Variants in HDAC9 observed in about 807,000 individuals in gnomAD.
The protein encoded by HDAC9 is MEF-2 interacting transcription repressor (MITR) protein.
In HDAC9, 41 loss-of-function variants were observed where a neutral mutation model predicts 139.4. That is an observed-to-expected ratio of 0.29 (90% CI 0.23 to 0.38). The LOEUF (loss-of-function observed/expected upper bound fraction) is 0.38, where lower values mean the gene tolerates loss of function less well. HDAC9 is among the 10% of genes least tolerant of loss of function. The pLI, the probability that HDAC9 is intolerant of heterozygous loss-of-function variation, is 1.00. For synonymous variants in HDAC9, 517 were observed against 476.2 expected (o/e 1.09, Z -1.12); for missense variants, 1,147 against 1,297.0 (o/e 0.88, Z 1.78).
intron 6 of HDAC9, among the ~76,000 whole-genome samples, chr7:18,624,722 G>T (rs1052716527): frequency 2.0e-5 from 3 of 151,782 alleles, no homozygotes; most frequent in African/African-American, 7.3e-5. Flanking sequence ...AACGGAGTCA[G>T]CACACTAGGC....
At chr7:18,322,451 C>G (rs1003378781) in intron 1 of HDAC9, among the ~76,000 whole-genome samples, 1 of 152,150 alleles carries the variant, frequency 6.6e-6, no homozygotes, top group Admixed American at 6.6e-5. Context: ...TTAGATACAT[C>G]TTTGATTTGT....
intron 1 of HDAC9, among the ~76,000 whole-genome samples, chr7:18,478,578 A>T (rs1222878821): frequency 6.6e-6 from 1 of 152,222 alleles, no homozygotes; most frequent in Non-Finnish European, 1.5e-5. Flanking sequence ...ATTTAGTTTA[A>T]ATTAAATAGA....
intron 1 of HDAC9, among the ~76,000 whole-genome samples, chr7:18,133,701 C>T (rs967566697): frequency 6.6e-6 from 1 of 151,770 alleles, no homozygotes; most frequent in Non-Finnish European, 1.5e-5. Flanking sequence ...AGACAGATAA[C>T]CAAAAGCATA....
intron 13 of HDAC9, among the ~76,000 whole-genome samples, chr7:18,737,845 T>C (rs766080485): frequency 2.0e-5 from 3 of 152,184 alleles, no homozygotes; most frequent in Non-Finnish European, 2.9e-5. Context: ...ATCTGTCTAA[T>C]ATTGGCAGTG....
intron 14 of HDAC9, among the ~76,000 whole-genome samples, chr7:18,761,711 T>C (rs971676891): frequency 6.6e-6 from 1 of 152,218 alleles, no homozygotes; most frequent in Non-Finnish European, 1.5e-5. Flanking sequence ...GTATCTGTGA[T>C]CATCAAGTTC....
chr7:18,719,265 G>T (rs1256942841), intron 12 of HDAC9, among the ~76,000 whole-genome samples: 1 of 148,638 alleles, frequency 6.7e-6, no homozygotes, highest in African/African-American at 2.5e-5. Flanking sequence ...CTTACTTTAT[G>T]GTGTCCTTTG....
rs568077593 is a variant in HDAC9, at chr7:18,455,143, G to A, written c.-41-41119G>A. Among the ~76,000 whole-genome samples the A allele has an allele frequency of 7.7e-3, 1,175 of 152,116 alleles. 15 individuals are homozygous for A. Among genetic ancestry groups the A allele is most frequent in the African/African-American group, 0.027 (1,112 of 41,530 alleles). ...AGGAGACAGGGACATAGAAATAAGT[G>A]TAGTAAAAAAGCCAGATATCTTCCT... is the stretch of plus-strand genomic sequence containing the variant. On this transcript the variant is annotated intron_variant, in intron 1 of 3. Coordinates refer to the HDAC9 transcript ENST00000413509.
intron 6 of HDAC9, among the ~76,000 whole-genome samples, chr7:18,617,427 G>C (rs1361072750): frequency 6.6e-6 from 1 of 152,080 alleles, no homozygotes; most frequent in Admixed American, 6.6e-5. Flanking sequence ...AAATCTTTCT[G>C]TTTCCCATTC....
At chr7:18,749,443 G>T (rs1324048377) in intron 14 of HDAC9, among the ~76,000 whole-genome samples, 2 of 152,134 alleles carry the variant, frequency 1.3e-5, no homozygotes, top group Non-Finnish European at 2.9e-5. Context: ...TTGATCTTCT[G>T]AGAAACTCTT....
intron 1 of HDAC9, among the ~76,000 whole-genome samples, chr7:18,098,228 A>G (rs1782633257): frequency 6.6e-6 from 1 of 152,212 alleles, no homozygotes; most frequent in Admixed American, 6.5e-5. Flanking sequence ...AATGGCTGAG[A>G]TCTTTATGCA....
At chr7:18,272,551 G>T (rs1310641386) in intron 2 of HDAC9, among the ~76,000 whole-genome samples, 1 of 152,142 alleles carries the variant, frequency 6.6e-6, no homozygotes, top group Admixed American at 6.5e-5. Flanking sequence ...AAATGCAATG[G>T]AAGCTGTCTC....
chr7:18,571,611 A>ATTTTATT (rs946057468), intron 2 of HDAC9, among the ~76,000 whole-genome samples: 3 of 151,732 alleles, frequency 2.0e-5, no homozygotes, highest in South Asian at 4.1e-4. Context: ...TTAAAACTTT[A>ATTTTATT]TTTTATTTTT....
Position 18,762,202 on chromosome 7 carries a change from C to A in HDAC9, c.2089C>A (p.His697Asn). The change falls in exon 15 of 26, where the codon CAT (histidine) becomes AAT (asparagine). Residue 697 changes from histidine (H) to asparagine (N), a missense_variant. This residue lies in a region of HDAC9 where 407 missense variants were observed against 521.5 expected (regional missense o/e 0.78). Coordinates refer to ENST00000686413, the MANE Select transcript of HDAC9 (RefSeq NM_178425.4). Reference protein sequence around the residue: ...KASLEEIQLVHSEHHSLLYGT... With the variant: ...KASLEEIQLVNSEHHSLLYGT... ...CAGCCTGGAGGAAATACAGCTTGTTCATTCTGAACATCACTCACTGTTGTA... is the reference window on the plus strand; with the variant it reads ...CAGCCTGGAGGAAATACAGCTTGTTAATTCTGAACATCACTCACTGTTGTA... The A allele has an allele frequency of 6.2e-7, 1 of 1,613,610 alleles. No homozygotes were observed. Among genetic ancestry groups the A allele is most frequent in the South Asian group, 1.1e-5 (1 of 91,062 alleles).
chr7:18,540,713 C>G (rs1812530098), intron 2 of HDAC9, among the ~76,000 whole-genome samples: 1 of 152,014 alleles, frequency 6.6e-6, no homozygotes, highest in Admixed American at 6.5e-5. Context: ...GAAGGAGGTA[C>G]AGAGAACTTG....
chr7:18,671,885 A>G (rs970426306), intron 12 of HDAC9, among the ~76,000 whole-genome samples: 1 of 152,074 alleles, frequency 6.6e-6, no homozygotes, highest in Non-Finnish European at 1.5e-5. Flanking sequence ...CATCCACAGC[A>G]TCAGTACTTC....
At chr7:18,315,715 T>A (rs988492380) in intron 1 of HDAC9, among the ~76,000 whole-genome samples, 11 of 152,202 alleles carry the variant, frequency 7.2e-5, no homozygotes, top group African/African-American at 2.7e-4. Context: ...CACCCTCACC[T>A]TTGGATGTTG....
At chr7:18,895,572 G>C (rs1801115474) in intron 22 of HDAC9, among the ~76,000 whole-genome samples, 1 of 152,078 alleles carries the variant, frequency 6.6e-6, no homozygotes, top group Non-Finnish European at 1.5e-5. Context: ...CTCATGAAGT[G>C]AGTCACTTTA....
At chr7:18,308,050 G>A (rs1799047190) in intron 1 of HDAC9, among the ~76,000 whole-genome samples, 1 of 152,108 alleles carries the variant, frequency 6.6e-6, no homozygotes, top group Non-Finnish European at 1.5e-5. Context: ...AAATATACAT[G>A]TATATGAAAG....
At chr7:18,851,607 G>A (rs956498116) in intron 21 of HDAC9, among the ~76,000 whole-genome samples, 6 of 152,124 alleles carry the variant, frequency 3.9e-5, no homozygotes, top group Non-Finnish European at 8.8e-5. Context: ...AGTAATTATC[G>A]TCTTTTATTT....
Sources: gnomAD v4.1 joint callset for allele counts (sites outside exome capture counted in the v4.1 genomes callset) on GRCh38, gnomAD v4.1.1 for gene constraint, gnomAD v4.1.1 regional missense constraint, MANE v1.5 for transcripts, NCBI Gene and HGNC (gene_info 2026-07-23, HGNC 2026-07-21) for gene names.